The following INPP5F variants were observed in gnomAD, a reference collection of about 807,000 sequenced individuals.
The protein encoded by INPP5F is inositol polyphosphate-5-phosphatase F, also known as phosphatidylinositide 4-phosphatase SAC2.
In INPP5F, 97 loss-of-function variants were observed where a neutral mutation model predicts 137.2. That is an observed-to-expected ratio of 0.71 (90% CI 0.60 to 0.84). The LOEUF (loss-of-function observed/expected upper bound fraction) is 0.84. Ranked by LOEUF, INPP5F falls within the 40% of genes least tolerant of loss-of-function variation. The pLI is 0.00. For missense variants in INPP5F, 1,271 were observed against 1,371.9 expected, an observed-to-expected ratio of 0.93 and a Z score of 1.16; for synonymous variants, 504 against 476.9, an observed-to-expected ratio of 1.06 and a Z score of -0.74.
intron 2 of INPP5F, among the ~76,000 whole-genome samples, chr10:119,757,474 G>T (rs889663047): frequency 3.1e-4 from 47 of 151,972 alleles, no homozygotes; most frequent in African/African-American, 1.1e-3. Context: ...AAAATTCATT[G>T]TAGTATCCAG....
At chr10:119,749,967 A>G (rs1212468734) in intron 1 of INPP5F, among the ~76,000 whole-genome samples, 1 of 152,012 alleles carries the variant, frequency 6.6e-6, no homozygotes, top group Non-Finnish European at 1.5e-5. Flanking sequence ...ATGAGGTTTC[A>G]CCATGTGGGC....
chr10:119,792,507 G>C (rs1362682662), intron 6 of INPP5F, among the ~76,000 whole-genome samples: 1 of 151,244 alleles, frequency 6.6e-6, no homozygotes, highest in Non-Finnish European at 1.5e-5. Context: ...TCCTGCAAAA[G>C]AGGTATTTTC....
rs530416239 is a variant in INPP5F, at chr10:119,828,114, A to C, written c.*334A>C. The C allele has an allele frequency of 5.2e-6, 1 of 191,124 alleles. No individual in the cohort carries two copies. Among genetic ancestry groups the C allele is most frequent in the African/African-American group, 2.4e-5 (1 of 42,426 alleles). The allele number at this position is 191,124 out of a possible 1,614,324, so 11.8% of individuals were successfully genotyped here. The stretch of plus-strand genomic sequence containing the variant: ...ACTACAGTAGACACAAGGGCTGGAC[A>C]TGCAGATGCTTAGGGGATTAGCGTT... On this transcript the variant is annotated 3_prime_UTR_variant, in exon 20 of 20. Transcript: ENST00000650623.
chr10:119,827,861 T>C lies in INPP5F; in HGVS notation c.*81T>C. The C allele has an allele frequency of 2.9e-6, 3 of 1,044,828 alleles. No individual in the cohort carries two copies. Among genetic ancestry groups the C allele is most frequent in the Non-Finnish European group, 4.2e-6 (3 of 719,736 alleles). The allele number at this position is 1,044,828 out of a possible 1,614,324, so 64.7% of individuals were successfully genotyped here. ...CTCTTGGGGTATTTTAATTGTACTG[T>C]CTGAACCCAGGGATCACAAATTCTG... On this transcript the variant is annotated 3_prime_UTR_variant, in exon 20 of 20. Coordinates refer to ENST00000650623, the MANE Select transcript of INPP5F (RefSeq NM_014937.4).
chr10:119,797,400 T>C, intron 7 of INPP5F, 61 bp from the exon 8 acceptor site: 1 of 1,310,658 alleles, frequency 7.6e-7, no homozygotes, highest in Non-Finnish European at 1.1e-6. Context: ...GGAAGCATAA[T>C]CTAGCCAGAC....
At chr10:119,781,831 G>T in intron 3 of INPP5F, 60 bp downstream of exon 3, 1 of 1,392,104 alleles carries the variant, frequency 7.2e-7, no homozygotes, top group Non-Finnish European at 9.9e-7. Flanking sequence ...GCAAATATGA[G>T]GATTTGGTTC....
chr10:119,761,913 T>G (rs918689635), intron 2 of INPP5F, among the ~76,000 whole-genome samples: 3 of 152,202 alleles, frequency 2.0e-5, no homozygotes, highest in African/African-American at 4.8e-5. Context: ...TCTCTTAGCA[T>G]GTTAATATCA....
chr10:119,784,100 A>C (rs1849796229), intron 3 of INPP5F, among the ~76,000 whole-genome samples: 1 of 152,220 alleles, frequency 6.6e-6, no homozygotes, highest in African/African-American at 2.4e-5. Context: ...GAAAATCACA[A>C]CTTTATTATC....
intron 1 of INPP5F, among the ~76,000 whole-genome samples, chr10:119,750,658 G>A (rs1264020548): frequency 6.6e-6 from 1 of 152,158 alleles, no homozygotes; most frequent in African/African-American, 2.4e-5. Flanking sequence ...AGCATCTTCG[G>A]GAAAATGTAT....
chr10:119,821,653 G>A (rs950333475), intron 16 of INPP5F, among the ~76,000 whole-genome samples: 1 of 151,960 alleles, frequency 6.6e-6, no homozygotes, highest in Non-Finnish European at 1.5e-5. Flanking sequence ...TTTAACAGCT[G>A]TATTGTTCCC....
intron 2 of INPP5F, among the ~76,000 whole-genome samples, chr10:119,753,894 G>A (rs1038440609): frequency 6.6e-6 from 1 of 152,166 alleles, no homozygotes; most frequent in Admixed American, 6.5e-5. Flanking sequence ...AGAAAGAAAT[G>A]GATGTTGTAC....
chr10:119,791,701 GAGAT>G, intron 4 of INPP5F, 56 bp downstream of exon 4: 1 of 1,467,046 alleles, frequency 6.8e-7, no homozygotes, highest in Non-Finnish European at 9.4e-7. Flanking sequence ...TTTAAATAGA[GAGAT>G]AATTCTCCAC....
intron 2 of INPP5F, among the ~76,000 whole-genome samples, chr10:119,753,135 A>G (rs971981324): frequency 2.0e-5 from 3 of 152,180 alleles, no homozygotes; most frequent in South Asian, 4.1e-4. Flanking sequence ...TATATTTTTA[A>G]TTCATTTACA....
chr10:119,784,297 T>G (rs1288540927), intron 3 of INPP5F, among the ~76,000 whole-genome samples: 2 of 152,234 alleles, frequency 1.3e-5, no homozygotes, highest in Non-Finnish European at 2.9e-5. Flanking sequence ...TTTTGGTGGG[T>G]GTTTCCATTT....
At chr10:119,755,044 G>A (rs1158063268) in intron 2 of INPP5F, among the ~76,000 whole-genome samples, 1 of 152,200 alleles carries the variant, frequency 6.6e-6, no homozygotes, top group African/African-American at 2.4e-5. Flanking sequence ...CACCTAGGGA[G>A]ATGGGAACAT....
Position 119,823,187 on chromosome 10 carries a change from G to C in INPP5F, c.2149G>C (p.Glu717Gln), listed in dbSNP as rs769817904. ...GCGAGCTGTAATGCGTAATCCTGAA[G>C]AGGATGGAAAAGGTAAAAAGAGGAA... ...TLRAVMRNPE[E>Q]DGKDTLQCIA... The change falls in exon 18 of 20, where the codon GAG (glutamate) becomes CAG (glutamine). Residue 717 changes from glutamate (E) to glutamine (Q), a missense_variant. Glu to Gln is a conservative substitution (Grantham distance 29). Around this residue, in one of 6 missense-constraint regions of INPP5F, gnomAD observed 593 missense variants for 712.4 expected, o/e 0.83. Transcript: ENST00000650623. 3 of 1,613,454 alleles carry C rather than the reference G, an allele frequency of 1.9e-6. No homozygotes were observed. The African/African-American group carries it at 4.0e-5, about 22-fold the overall frequency.
At chr10:119,820,710 A>G in intron 15 of INPP5F, 136 bp from the exon 16 acceptor site, 1 of 660,642 alleles carries the variant, frequency 1.5e-6, no homozygotes, top group Non-Finnish European at 2.8e-6. Context: ...ACTGCAGTAG[A>G]ACTCATTGAT....
intron 1 of INPP5F, among the ~76,000 whole-genome samples, chr10:119,750,000 C>T (rs1005289216): frequency 5.3e-5 from 8 of 152,096 alleles, no homozygotes; most frequent in Non-Finnish European, 1.0e-4. Context: ...AACTCCTGAC[C>T]TCAGGCGATC....
At chr10:119,753,695 C>T (rs576724806) in intron 2 of INPP5F, among the ~76,000 whole-genome samples, 8 of 152,178 alleles carry the variant, frequency 5.3e-5, no homozygotes, top group Non-Finnish European at 1.2e-4. Context: ...AGTTGTTACA[C>T]AAGGTAAAAG....
Sources: allele counts gnomAD v4.1 joint callset (sites outside exome capture counted in the v4.1 genomes callset), GRCh38; gene constraint gnomAD v4.1.1; regional missense constraint gnomAD v4.1.1; transcripts MANE v1.5; gene names NCBI Gene and HGNC (gene_info 2026-07-23, HGNC 2026-07-21).